LRRC4C: variants seen among roughly 807,000 people sequenced by gnomAD.
LRRC4C encodes leucine rich repeat containing 4C.
LRRC4C carries 5 observed loss-of-function variants against 33.6 expected under a neutral mutation model. That is an observed-to-expected ratio of 0.15 (90% CI 0.08 to 0.31). The LOEUF (loss-of-function observed/expected upper bound fraction) is 0.31, where lower values mean the gene tolerates loss of function less well. Ranked by LOEUF, LRRC4C falls within the 10% of genes least tolerant of loss-of-function variation. LRRC4C has a pLI of 1.00. For synonymous variants in LRRC4C, 329 were observed against 302.0 expected (o/e 1.09, Z -0.93); for missense variants, 560 against 796.7 (o/e 0.70, Z 3.58).
intron 1 of LRRC4C, among the ~76,000 whole-genome samples, chr11:41,325,575 T>G (rs569517344): frequency 0.015 from 1,721 of 117,506 alleles, 33 homozygotes; most frequent in Middle Eastern, 0.029. Flanking sequence ...AGTTTTTTTT[T>G]TTTGTGTGTG....
chr11:40,321,223 G>T (rs1471554544), intron 3 of LRRC4C, among the ~76,000 whole-genome samples: 1 of 152,108 alleles, frequency 6.6e-6, no homozygotes, highest in South Asian at 2.1e-4. Flanking sequence ...AGGGAAAAAG[G>T]TATTTTTGGT....
rs1464538864 is a variant in LRRC4C, at chr11:41,022,451, A to G, written c.-495-88728T>C. On this transcript the variant is annotated intron_variant, in intron 1 of 6. Coordinates refer to ENST00000528697, the MANE Select transcript of LRRC4C (RefSeq NM_001258419.2). ...CATAGAACTTTGAGCTAGCTGGACT[A>G]TGTGTTTCGAGGGCTACAGAAAGGT... Among the ~76,000 whole-genome samples the G allele has an allele frequency of 4.0e-5, 6 of 151,846 alleles. 1 individual carries two copies. Among genetic ancestry groups the G allele is most frequent in the Non-Finnish European group, 8.8e-5 (6 of 67,906 alleles).
intron 1 of LRRC4C, among the ~76,000 whole-genome samples, chr11:41,241,116 ACC>A (rs1430243825): frequency 8.5e-5 from 13 of 152,162 alleles, no homozygotes; most frequent in African/African-American, 3.1e-4. Flanking sequence ...GAGACCAACT[ACC>A]TTATAGTGTT....
chr11:40,486,383 T>C (rs1195682862), intron 3 of LRRC4C, among the ~76,000 whole-genome samples: 1 of 152,028 alleles, frequency 6.6e-6, no homozygotes, highest in Non-Finnish European at 1.5e-5. Flanking sequence ...AATTAAAAGA[T>C]AACTGTCCTA....
At chr11:40,985,304 C>T (rs1852918621) in intron 1 of LRRC4C, among the ~76,000 whole-genome samples, 2 of 151,996 alleles carry the variant, frequency 1.3e-5, no homozygotes, top group Admixed American at 6.6e-5. Flanking sequence ...TTTTCTTCCG[C>T]TGAGTGACTG....
intron 1 of LRRC4C, among the ~76,000 whole-genome samples, chr11:41,248,839 G>A (rs776693163): frequency 4.6e-5 from 7 of 152,170 alleles, no homozygotes; most frequent in East Asian, 3.9e-4. Flanking sequence ...CTCCGAATCC[G>A]AAATGCAGTT....
chr11:40,942,063 A>G (rs1008771526), intron 1 of LRRC4C, among the ~76,000 whole-genome samples: 4 of 152,150 alleles, frequency 2.6e-5, no homozygotes, highest in Non-Finnish European at 5.9e-5. Flanking sequence ...AATGTCTGAC[A>G]TGTGTGAAGG....
chr11:41,362,966 A>T (rs527564165), intron 1 of LRRC4C, among the ~76,000 whole-genome samples: 16 of 152,168 alleles, frequency 1.1e-4, no homozygotes, highest in Non-Finnish European at 2.2e-4. Flanking sequence ...TTACCATGTA[A>T]GGTAACATTC....
At chr11:41,326,606 A>G (rs1951126625) in intron 1 of LRRC4C, among the ~76,000 whole-genome samples, 1 of 152,220 alleles carries the variant, frequency 6.6e-6, no homozygotes, top group South Asian at 2.1e-4. Context: ...GATTCACAAA[A>G]GTTAAGAATG....
intron 3 of LRRC4C, among the ~76,000 whole-genome samples, chr11:40,483,900 G>C (rs1324757534): frequency 6.6e-6 from 1 of 151,544 alleles, no homozygotes; most frequent in Non-Finnish European, 1.5e-5. Flanking sequence ...AATCCAAAAA[G>C]CATTTCCAGA....
At chr11:40,305,734 C>A (rs2136700873) in intron 4 of LRRC4C, among the ~76,000 whole-genome samples, 1 of 152,252 alleles carries the variant, frequency 6.6e-6, no homozygotes, top group Non-Finnish European at 1.5e-5. Context: ...TATGTCTTAG[C>A]TGTGTGACTT....
chr11:40,427,046 AG>A (rs1368382452), intron 3 of LRRC4C, among the ~76,000 whole-genome samples: 9 of 152,228 alleles, frequency 5.9e-5, no homozygotes, highest in Non-Finnish European at 7.3e-5. Context: ...GAGATATTTA[AG>A]TAAAAACATG....
intron 1 of LRRC4C, among the ~76,000 whole-genome samples, chr11:41,001,715 C>T (rs1362766797): frequency 3.9e-5 from 6 of 152,138 alleles, no homozygotes; most frequent in African/African-American, 1.4e-4. Flanking sequence ...CTGGAAAAGA[C>T]CTCGTTTATT....
intron 1 of LRRC4C, among the ~76,000 whole-genome samples, chr11:41,405,943 T>G (rs1452921487): frequency 6.6e-6 from 1 of 152,136 alleles, no homozygotes; most frequent in African/African-American, 2.4e-5. Context: ...ATACATGCTC[T>G]AAGCACTGTT....
chr11:41,286,235 C>T (rs957554048), intron 1 of LRRC4C, among the ~76,000 whole-genome samples: 3 of 152,188 alleles, frequency 2.0e-5, no homozygotes, highest in Non-Finnish European at 4.4e-5. Context: ...TTCACTCTCT[C>T]TCTTTTATAA....
intron 2 of LRRC4C, among the ~76,000 whole-genome samples, chr11:40,929,786 A>G (rs938742190): frequency 6.6e-6 from 1 of 152,132 alleles, no homozygotes; most frequent in African/African-American, 2.4e-5. Flanking sequence ...TGTCCAAAGT[A>G]AACATATGAA....
chr11:41,264,832 T>C (rs1949097789), intron 1 of LRRC4C, among the ~76,000 whole-genome samples: 1 of 152,168 alleles, frequency 6.6e-6, no homozygotes, highest in African/African-American at 2.4e-5. Context: ...TACAACCATG[T>C]ATCAGGCTTA....
At chr11:40,860,949 C>T (rs1235083488) in intron 2 of LRRC4C, among the ~76,000 whole-genome samples, 2 of 137,552 alleles carry the variant, frequency 1.5e-5, no homozygotes, top group African/African-American at 6.7e-5. Flanking sequence ...ATATTAAATG[C>T]CACTGAACTG....
intron 5 of LRRC4C, among the ~76,000 whole-genome samples, chr11:40,189,909 C>G (rs1168493385): frequency 6.6e-6 from 1 of 152,174 alleles, no homozygotes; most frequent in Non-Finnish European, 1.5e-5. Context: ...TTTATAACAA[C>G]TAGCCTTTGT....
Sources: allele counts gnomAD v4.1 joint callset (sites outside exome capture counted in the v4.1 genomes callset), GRCh38; gene constraint gnomAD v4.1.1; transcripts MANE v1.5; gene names NCBI Gene and HGNC (gene_info 2026-07-23, HGNC 2026-07-21).